GRIP2: variants seen among roughly 807,000 people sequenced by gnomAD.
The protein encoded by GRIP2 is glutamate receptor-interacting protein 2.
Under a neutral mutation model 108.3 loss-of-function variants are expected in GRIP2, and 58 were observed. That is an observed-to-expected ratio of 0.54 (90% CI 0.43 to 0.67). The LOEUF is 0.67. Among genes scored for constraint, GRIP2 ranks in the 30% least tolerant of loss-of-function variants. GRIP2 has a pLI of 0.00. For missense variants in GRIP2, 1,278 were observed against 1,430.6 expected (o/e 0.89, Z 1.72); for synonymous variants, 586 against 598.2 (o/e 0.98, Z 0.30).
intron 20 of GRIP2, chr3:14,503,969 G>T (rs1693844781): frequency 2.3e-6 from 1 of 427,216 alleles, no homozygotes; most frequent in South Asian, 2.6e-5. Flanking sequence ...AAGAGAGACA[G>T]AGGACAAACA....
intron 1 of GRIP2, among the ~76,000 whole-genome samples, chr3:14,552,852 C>A (rs1695174293): frequency 6.6e-6 from 1 of 152,034 alleles, no homozygotes; most frequent in Non-Finnish European, 1.5e-5. Context: ...CTCAGACTCC[C>A]AAAGTTCTGG....
intron 1 of GRIP2, among the ~76,000 whole-genome samples, chr3:14,531,884 A>G: frequency 6.6e-6 from 1 of 152,112 alleles, no homozygotes; most frequent in Non-Finnish European, 1.5e-5. Flanking sequence ...GAAGGGACGC[A>G]CCATCAAGCT....
rs1168383631 is a variant in GRIP2, at chr3:14,490,053, C to A, written c.*3612G>T. The A allele has an allele frequency of 1.3e-5, 2 of 152,184 alleles. No individual in the cohort carries two copies. The highest frequency in any genetic ancestry group is 1.9e-4 in the East Asian group (1 of 5,184). The allele number at this position is 152,184 out of a possible 1,614,324, so 9.4% of individuals were successfully genotyped here. Reference sequence around the variant, plus strand: ...AAATTCTCAGTAACTCATTTATAGACAATGTTAGAATAGAAGACCACCCTA... The same window carrying A: ...AAATTCTCAGTAACTCATTTATAGAAAATGTTAGAATAGAAGACCACCCTA... On this transcript the variant is annotated 3_prime_UTR_variant, in exon 24 of 24. Transcript: ENST00000621039.
At chr3:14,564,280 C>T in the GRIP2 span, among the ~76,000 whole-genome samples, 6 of 152,224 alleles carry the variant, frequency 3.9e-5, no homozygotes, top group Admixed American at 2.6e-4. Context: ...TTCACAAGTA[C>T]GCAGATTAAA....
chr3:14,568,471 G>A, the GRIP2 span, among the ~76,000 whole-genome samples: 4 of 152,202 alleles, frequency 2.6e-5, no homozygotes, highest in Non-Finnish European at 5.9e-5. Flanking sequence ...CCTGCCCAGT[G>A]TCACACAGCA....
At chr3:14,571,665 G>A in the GRIP2 span, among the ~76,000 whole-genome samples, 3 of 152,308 alleles carry the variant, frequency 2.0e-5, no homozygotes, top group East Asian at 5.8e-4. Context: ...AGGGGAGCTG[G>A]AGGAACAGAG....
chr3:14,533,812 C>G (rs1426924635), intron 1 of GRIP2, among the ~76,000 whole-genome samples: 2 of 152,208 alleles, frequency 1.3e-5, no homozygotes, highest in African/African-American at 4.8e-5. Context: ...GTGGCTGCAA[C>G]TCCCTTCCTG....
At chr3:14,583,454 T>A in the GRIP2 span, among the ~76,000 whole-genome samples, 63 of 152,252 alleles carry the variant, frequency 4.1e-4, no homozygotes, top group South Asian at 2.5e-3. Context: ...CCCAGGGAAG[T>A]CCAGTCCAGT....
At chr3:14,582,148 T>C in the GRIP2 span, among the ~76,000 whole-genome samples, 2 of 152,204 alleles carry the variant, frequency 1.3e-5, no homozygotes, top group African/African-American at 2.4e-5. Context: ...GTCTCGCAGC[T>C]CCACTGCCAT....
intron 1 of GRIP2, among the ~76,000 whole-genome samples, chr3:14,549,762 C>G (rs772386836): frequency 6.6e-6 from 1 of 152,216 alleles, no homozygotes; most frequent in Non-Finnish European, 1.5e-5. Context: ...GATCATCAAT[C>G]GTTTCATTTT....
At chr3:14,556,871 A>C (rs961768620), upstream of GRIP2, among the ~76,000 whole-genome samples, 1 of 152,234 alleles carries the variant, frequency 6.6e-6, no homozygotes, top group Non-Finnish European at 1.5e-5. Flanking sequence ...GTCACAGAGC[A>C]CATATGTTGC....
chr3:14,554,412 C>T (rs1292063878), intron 1 of GRIP2, among the ~76,000 whole-genome samples: 1 of 151,126 alleles, frequency 6.6e-6, no homozygotes, highest in Non-Finnish European at 1.5e-5. Flanking sequence ...TGGGCCCTTA[C>T]GGTCTGTGGA....
In GRIP2 at chr3:14,540,100, A is replaced by G. The variant is rs944444218; in HGVS notation, c.40+169T>C. On this transcript the variant is annotated intron_variant, in intron 1 of 23. Coordinates refer to ENST00000621039, the MANE Select transcript of GRIP2 (RefSeq NM_001080423.4). This position sits in a 1 kb window ranked among gnomAD's most constrained non-coding sequence, Gnocchi z 4.1. ...CTGCTACAGGACAGTGGCCAGGGTC[A>G]GACAGACAGCCCCAGCAAGTGTCCT... Among the ~76,000 whole-genome samples the G allele has an allele frequency of 6.6e-6, 1 of 152,070 alleles. No individual in the cohort carries two copies. The highest frequency in any genetic ancestry group is 1.5e-5 in the Non-Finnish European group (1 of 67,976).
intron 17 of GRIP2, among the ~76,000 whole-genome samples, chr3:14,509,287 G>A (rs1288892367): frequency 1.3e-5 from 2 of 152,192 alleles, no homozygotes; most frequent in Admixed American, 6.5e-5. Context: ...TGCCCAGCTC[G>A]GGGGAGAAGG....
In GRIP2 at chr3:14,493,482, C is replaced by T. The variant is rs1298586017; in HGVS notation, c.*183G>A. The T allele has an allele frequency of 1.4e-5, 10 of 714,694 alleles. No homozygotes were observed. The highest frequency in any genetic ancestry group is 2.2e-5 in the Non-Finnish European group (10 of 456,488). The allele number at this position is 714,694 out of a possible 1,614,324, so 44.3% of individuals were successfully genotyped here. On this transcript the variant is annotated 3_prime_UTR_variant, in exon 24 of 24. Coordinates refer to ENST00000621039, the MANE Select transcript of GRIP2 (RefSeq NM_001080423.4). Reference sequence around the variant, plus strand: ...AGCTGTCACTCCAACTAGGGCAGGACCTCCCTGCCTGGCACCCCAGTCACC... The same window carrying T: ...AGCTGTCACTCCAACTAGGGCAGGATCTCCCTGCCTGGCACCCCAGTCACC...
At chr3:14,574,356 T>C in the GRIP2 span, 33 of 970,976 alleles carry the variant, frequency 3.4e-5, no homozygotes, top group Admixed American at 4.9e-4. Context: ...AGCGATGCGC[T>C]GGTTCCGCCG....
chr3:14,552,276 T>A (rs1695161905), intron 1 of GRIP2, among the ~76,000 whole-genome samples: 1 of 151,056 alleles, frequency 6.6e-6, no homozygotes, highest in Admixed American at 6.6e-5. Context: ...CCAAGGGGAG[T>A]GCCATTAAGG....
chr3:14,566,843 T>C, the GRIP2 span, among the ~76,000 whole-genome samples: 1 of 152,188 alleles, frequency 6.6e-6, no homozygotes, highest in Non-Finnish European at 1.5e-5. Context: ...CTGCCTACTC[T>C]GGGCCTCAGT....
intron 1 of GRIP2, among the ~76,000 whole-genome samples, chr3:14,547,161 AGGAGGGGAGAAAG>A (rs1695070537): frequency 6.6e-6 from 1 of 152,192 alleles, no homozygotes; most frequent in African/African-American, 2.4e-5. Flanking sequence ...AAAGAAAGAA[AGGAGGGGAGAAAG>A]GGAGGGAGGA....
Sources: gnomAD v4.1 joint callset for allele counts (sites outside exome capture counted in the v4.1 genomes callset) on GRCh38, gnomAD v4.1.1 for gene constraint, Gnocchi (gnomAD v3.1) non-coding constraint, MANE v1.5 for transcripts, NCBI Gene and HGNC (gene_info 2026-07-23, HGNC 2026-07-21) for gene names.